The following COL25A1 variants were observed in gnomAD, a reference collection of about 807,000 sequenced individuals.
COL25A1 encodes collagen type XXV alpha 1 chain, also known as collagen alpha-1(XXV) chain.
A neutral mutation model predicts 128.4 loss-of-function variants in COL25A1; 103 were observed. The observed-to-expected ratio is 0.80, with a 90% CI of 0.68 to 0.94. COL25A1 has a LOEUF of 0.94. Ranked by LOEUF, COL25A1 falls within the 40% of genes least tolerant of loss-of-function variation. COL25A1 has a pLI of 0.00. For missense variants in COL25A1, 745 were observed against 840.0 expected, an observed-to-expected ratio of 0.89 and a Z score of 1.40; for synonymous variants, 279 against 277.2, an observed-to-expected ratio of 1.01 and a Z score of -0.06.
chr4:109,162,087 T>C (rs1772631947), intron 3 of COL25A1, among the ~76,000 whole-genome samples: 1 of 152,162 alleles, frequency 6.6e-6, no homozygotes. Flanking sequence ...TTTAAGATAA[T>C]ATAGAATTCA....
intron 35 of COL25A1, among the ~76,000 whole-genome samples, chr4:108,821,621 T>A (rs1249127515): frequency 6.6e-6 from 1 of 152,220 alleles, no homozygotes; most frequent in African/African-American, 2.4e-5. Context: ...AAATGTCATA[T>A]GAATGTTACT....
intron 5 of COL25A1, among the ~76,000 whole-genome samples, chr4:109,039,925 C>G (rs1759722365): frequency 1.3e-5 from 2 of 152,068 alleles, no homozygotes; most frequent in African/African-American, 2.4e-5. Flanking sequence ...GAAGTAAGAA[C>G]TAGAGATATG....
intron 11 of COL25A1, among the ~76,000 whole-genome samples, chr4:108,926,367 A>G (rs529768233): frequency 6.6e-6 from 1 of 152,324 alleles, no homozygotes; most frequent in African/African-American, 2.4e-5. Flanking sequence ...CTGTAATAAA[A>G]AACACAGGGA....
rs538768158 is a variant in COL25A1 at position 109,105,317 on chromosome 4, T to C, written c.368-55138A>G. 5.9e-5 allele frequency among the ~76,000 whole-genome samples: 9 copies of C among 152,046 alleles called. No homozygotes were observed. The South Asian group carries it at 1.9e-3, about 32-fold the overall frequency. On this transcript the variant is annotated intron_variant, in intron 3 of 37. Coordinates refer to ENST00000399132, the MANE Select transcript of COL25A1 (RefSeq NM_198721.4). ...GGTGAAACCTCATCTCTACTAAAAA[T>C]ACAAAAATTAGCTGAGCATGGTGGT... is the stretch of plus-strand genomic sequence containing the variant.
At chr4:109,155,601 A>C (rs1326511530) in intron 3 of COL25A1, among the ~76,000 whole-genome samples, 1 of 152,252 alleles carries the variant, frequency 6.6e-6, no homozygotes, top group African/African-American at 2.4e-5. Context: ...GAAAGTAATC[A>C]ATGAATGAAT....
chr4:109,096,170 A>G (rs1349856606), intron 3 of COL25A1, among the ~76,000 whole-genome samples: 1 of 152,208 alleles, frequency 6.6e-6, no homozygotes, highest in African/African-American at 2.4e-5. Flanking sequence ...GCCTGTAAAC[A>G]AACTTTGCCC....
At chr4:109,283,380 G>A (rs1273054921) in intron 3 of COL25A1, among the ~76,000 whole-genome samples, 1 of 152,032 alleles carries the variant, frequency 6.6e-6, no homozygotes, top group African/African-American at 2.4e-5. Context: ...CCAAGTAGCT[G>A]GGACTACCGG....
At chr4:109,156,906 C>T (rs1026705150) in intron 3 of COL25A1, among the ~76,000 whole-genome samples, 1 of 152,150 alleles carries the variant, frequency 6.6e-6, no homozygotes, top group Non-Finnish European at 1.5e-5. Flanking sequence ...TCCAACAAAA[C>T]TCAAGAGCCA....
At chr4:109,280,368 G>T (rs915688577) in intron 3 of COL25A1, among the ~76,000 whole-genome samples, 1 of 152,162 alleles carries the variant, frequency 6.6e-6, no homozygotes, top group African/African-American at 2.4e-5. Context: ...TGTTTAACCT[G>T]AATCTTACCA....
At chr4:109,100,013 T>G (rs1765745574) in intron 3 of COL25A1, among the ~76,000 whole-genome samples, 1 of 152,094 alleles carries the variant, frequency 6.6e-6, no homozygotes. Context: ...TCAATCCTTC[T>G]GTAAGCCCAA....
intron 3 of COL25A1, among the ~76,000 whole-genome samples, chr4:109,269,171 G>C (rs9760832): frequency 0.22 from 32,422 of 149,052 alleles, 4,079 homozygotes; most frequent in Middle Eastern, 0.3. Flanking sequence ...CTATGAGTGA[G>C]AATATGCGGT....
At chr4:109,037,137 G>A (rs1759432727) in intron 5 of COL25A1, among the ~76,000 whole-genome samples, 1 of 152,140 alleles carries the variant, frequency 6.6e-6, no homozygotes. Flanking sequence ...AGCTAACAAA[G>A]GCCTCCAAAA....
rs576520055 is a variant in COL25A1 at position 109,264,833 on chromosome 4, G to C, written c.367+35750C>G. Among the ~76,000 whole-genome samples the C allele has an allele frequency of 3.3e-5, 5 of 152,152 alleles. No homozygotes were observed. The South Asian group carries it at 1.0e-3, about 32-fold the overall frequency. ...CAATCCCACTCATTCCCACCAATAA[G>C]GACCATGTGGTTTTGACTCTAATGT... is the stretch of plus-strand genomic sequence containing the variant. On this transcript the variant is annotated intron_variant, in intron 3 of 37. Coordinates refer to ENST00000399132, the MANE Select transcript of COL25A1 (RefSeq NM_198721.4).
Position 108,822,869 on chromosome 4 carries a change from G to A in COL25A1, c.1845+1305C>T, listed in dbSNP as rs1034339286. ...TTCAGTTTCCTTGTTTGTGAAGTGG[G>A]GAAAATAATGCCAACTTCGGGGGTT... On this transcript the variant is annotated intron_variant, in intron 35 of 37. Transcript: ENST00000399132. 3.3e-5 allele frequency among the ~76,000 whole-genome samples: 5 copies of A among 152,102 alleles called. No homozygotes were observed. The South Asian group carries it at 8.3e-4, about 25-fold the overall frequency.
chr4:108,975,437 C>A (rs1165534880), intron 6 of COL25A1, among the ~76,000 whole-genome samples: 2 of 152,232 alleles, frequency 1.3e-5, no homozygotes, highest in Non-Finnish European at 2.9e-5. Flanking sequence ...GCCTGGACAA[C>A]AGAGCAAGAC....
At chr4:108,886,459 TGTGTGTGTGTGTGTG>T (rs1740790113) in intron 18 of COL25A1, among the ~76,000 whole-genome samples, 1 of 111,472 alleles carries the variant, frequency 9.0e-6, no homozygotes, top group African/African-American at 3.1e-5. Context: ...TGTGTGTGTG[TGTGTGTGTGTGTGTG>T]TGTGTGTGTG....
intron 5 of COL25A1, among the ~76,000 whole-genome samples, chr4:109,019,822 A>T (rs996420743): frequency 2.0e-5 from 3 of 152,328 alleles, no homozygotes; most frequent in Middle Eastern, 6.8e-3. Context: ...GAGGCAGTCA[A>T]AGGCCAGAGG....
chr4:108,816,648 G>C (rs1410679112), intron 37 of COL25A1, among the ~76,000 whole-genome samples: 1 of 151,976 alleles, frequency 6.6e-6, no homozygotes, highest in Admixed American at 6.6e-5. Flanking sequence ...CCCTCTCCTA[G>C]TTGTGATACA....
At chr4:108,903,618 T>C (rs551593609) in intron 13 of COL25A1, among the ~76,000 whole-genome samples, 1 of 152,190 alleles carries the variant, frequency 6.6e-6, no homozygotes, top group East Asian at 1.9e-4. Context: ...TCTAAACTTG[T>C]TTTATTAGTC....
Sources: allele counts gnomAD v4.1 joint callset (sites outside exome capture counted in the v4.1 genomes callset), GRCh38; gene constraint gnomAD v4.1.1; transcripts MANE v1.5; gene names NCBI Gene and HGNC (gene_info 2026-07-23, HGNC 2026-07-21).